The following CLIC5 variants were observed in gnomAD, a reference collection of about 807,000 sequenced individuals.
The protein encoded by CLIC5 is chloride intracellular channel protein 5.
A neutral mutation model predicts 24.7 loss-of-function variants in CLIC5; 20 were observed. The ratio of observed to expected loss-of-function variants is 0.81; its 90% CI spans 0.57 to 1.18. The LOEUF (loss-of-function observed/expected upper bound fraction) is 1.18. CLIC5 is among the 50% of genes most tolerant of loss of function. The pLI, the probability that CLIC5 is intolerant of heterozygous loss-of-function variation, is 0.00. For missense variants in CLIC5, 341 were observed against 326.1 expected, an observed-to-expected ratio of 1.05 and a Z score of -0.35; for synonymous variants, 159 against 135.6, an observed-to-expected ratio of 1.17 and a Z score of -1.20.
rs1230995486 is a variant in CLIC5 at position 45,900,892 on chromosome 6, C to T, written c.*2196G>A. 6.6e-6 allele frequency: 1 copy of T among 152,170 alleles called. No homozygotes were observed. Among genetic ancestry groups the T allele is most frequent in the African/African-American group, 2.4e-5 (1 of 41,434 alleles). 9.4% of individuals were successfully genotyped at this position (152,170 alleles called of 1,614,324 possible). ...AGTTGCTGAATTCTGAACATCCAAT[C>T]CGAGTCCTTGGAATTCTGCAGACTT... is the stretch of plus-strand genomic sequence containing the variant. On this transcript the variant is annotated 3_prime_UTR_variant, in exon 6 of 6. Coordinates refer to ENST00000339561, the MANE Select transcript of CLIC5 (RefSeq NM_016929.5).
chr6:46,042,667 A>C (rs1216253659), intron 1 of CLIC5, among the ~76,000 whole-genome samples: 3 of 152,246 alleles, frequency 2.0e-5, no homozygotes, highest in East Asian at 3.8e-4. Flanking sequence ...AGGGAAGTAG[A>C]TACATCAGCA....
chr6:45,956,238 C>T (rs1433879881), intron 1 of CLIC5, among the ~76,000 whole-genome samples: 3 of 152,174 alleles, frequency 2.0e-5, no homozygotes, highest in Admixed American at 6.5e-5. Context: ...GAATTGGTCT[C>T]TGTAGAATTC....
chr6:46,085,745 C>T, the CLIC5 span, among the ~76,000 whole-genome samples: 3 of 152,374 alleles, frequency 2.0e-5, no homozygotes, highest in East Asian at 5.8e-4. Flanking sequence ...GTTCTCAGAT[C>T]TCCAGCTGCG....
chr6:45,972,707 C>T (rs952856672), intron 1 of CLIC5, among the ~76,000 whole-genome samples: 1 of 152,136 alleles, frequency 6.6e-6, no homozygotes, highest in African/African-American at 2.4e-5. Flanking sequence ...GTGATTTATG[C>T]CTCTTAGTGT....
intron 1 of CLIC5, among the ~76,000 whole-genome samples, chr6:46,073,621 C>T (rs1225510664): frequency 6.6e-6 from 1 of 152,210 alleles, no homozygotes; most frequent in Non-Finnish European, 1.5e-5. Context: ...TGGTATCCTC[C>T]TCAGAACATT....
At chr6:46,040,976 A>C (rs190163001) in intron 1 of CLIC5, among the ~76,000 whole-genome samples, 1 of 152,382 alleles carries the variant, frequency 6.6e-6, no homozygotes, top group Non-Finnish European at 1.5e-5. Context: ...CAAATTAAAA[A>C]TGGTCTGTAA....
At chr6:46,051,097 A>AT (rs780341150) in intron 1 of CLIC5, among the ~76,000 whole-genome samples, 10 of 152,220 alleles carry the variant, frequency 6.6e-5, no homozygotes, top group Non-Finnish European at 1.2e-4. Flanking sequence ...CTCTTAGAAC[A>AT]TAACTGAACA....
chr6:45,968,686 A>T (rs1250003811), intron 1 of CLIC5, among the ~76,000 whole-genome samples: 1 of 152,162 alleles, frequency 6.6e-6, no homozygotes, highest in Non-Finnish European at 1.5e-5. Context: ...CTTTTTAATT[A>T]ATTGGAGGCG....
chr6:45,915,520 G>T (rs560245201), intron 4 of CLIC5, among the ~76,000 whole-genome samples: 1 of 152,150 alleles, frequency 6.6e-6, no homozygotes, highest in East Asian at 1.9e-4. Flanking sequence ...GAACACTTGG[G>T]TTACTCTAGG....
chr6:46,064,364 A>T (rs531211118), intron 1 of CLIC5, among the ~76,000 whole-genome samples: 1 of 152,216 alleles, frequency 6.6e-6, no homozygotes, highest in South Asian at 2.1e-4. Flanking sequence ...CTATTAGGGA[A>T]GAAATAGTAT....
At chr6:46,057,398 G>A (rs1196487958) in intron 1 of CLIC5, among the ~76,000 whole-genome samples, 2 of 152,144 alleles carry the variant, frequency 1.3e-5, no homozygotes, top group Admixed American at 6.5e-5. Flanking sequence ...CTCTTGCCGT[G>A]ACTCTGAGTC....
At chr6:46,097,225 G>C in the CLIC5 span, 24 of 152,182 alleles carry the variant, frequency 1.6e-4, no homozygotes, top group Non-Finnish European at 2.5e-4. Flanking sequence ...TGAATGGATG[G>C]ATGGATGACT....
At chr6:46,097,728 G>T in the CLIC5 span, among the ~76,000 whole-genome samples, 1 of 152,344 alleles carries the variant, frequency 6.6e-6, no homozygotes, top group African/African-American at 2.4e-5. Context: ...TGATAGTTAA[G>T]ATTTAACATA....
intron 4 of CLIC5, chr6:45,920,372 G>T: frequency 1.2e-6 from 1 of 819,388 alleles, no homozygotes; most frequent in Non-Finnish European, 1.5e-6. Context: ...TTCCTAGGAG[G>T]AAAGAAATAT....
the CLIC5 span, among the ~76,000 whole-genome samples, chr6:46,086,761 A>C: frequency 6.6e-6 from 1 of 152,204 alleles, no homozygotes; most frequent in African/African-American, 2.4e-5. Flanking sequence ...AACTTGGTCC[A>C]CTGGCACATC....
At chr6:46,017,841 C>T (rs917092713), upstream of CLIC5, among the ~76,000 whole-genome samples, 2 of 152,200 alleles carry the variant, frequency 1.3e-5, no homozygotes, top group Non-Finnish European at 2.9e-5. Flanking sequence ...GAAAGATGTC[C>T]TCACTACCCT....
the CLIC5 span, among the ~76,000 whole-genome samples, chr6:46,096,522 T>C: frequency 6.6e-6 from 1 of 152,238 alleles, no homozygotes; most frequent in Non-Finnish European, 1.5e-5. Context: ...TCCAAAGGGC[T>C]TGCTCATATG....
the CLIC5 span, among the ~76,000 whole-genome samples, chr6:46,086,050 T>G: frequency 6.6e-6 from 1 of 152,210 alleles, no homozygotes; most frequent in Non-Finnish European, 1.5e-5. Context: ...CTCCGAGCCA[T>G]GTGTGGGATA....
chr6:46,085,204 T>C (rs1485496512), upstream of CLIC5, among the ~76,000 whole-genome samples: 1 of 152,250 alleles, frequency 6.6e-6, no homozygotes, highest in Non-Finnish European at 1.5e-5. Context: ...TTTAACTTCT[T>C]TGCCTTTGGT....
Sources: gnomAD v4.1 joint callset for allele counts (sites outside exome capture counted in the v4.1 genomes callset) on GRCh38, gnomAD v4.1.1 for gene constraint, MANE v1.5 for transcripts, NCBI Gene and HGNC (gene_info 2026-07-23, HGNC 2026-07-21) for gene names.